Variants in MUC22 observed in about 807,000 individuals in gnomAD.
MUC22 encodes mucin-22.
In MUC22, 24 loss-of-function variants were observed where a neutral mutation model predicts 40.3. The ratio of observed to expected loss-of-function variants is 0.60; its 90% CI spans 0.43 to 0.84. The LOEUF (loss-of-function observed/expected upper bound fraction) is 0.84, where lower values mean the gene tolerates loss of function less well. Among genes scored for constraint, MUC22 ranks in the 40% least tolerant of loss-of-function variants. The probability of loss-of-function intolerance (pLI) is 0.00; values close to 1 mark genes in which losing one functional copy is unlikely to be tolerated. For missense variants in MUC22, 1,926 were observed against 2,130.7 expected, an observed-to-expected ratio of 0.90 and a Z score of 1.89; for synonymous variants, 765 against 844.5, an observed-to-expected ratio of 0.91 and a Z score of 1.63.
At chr6:31,009,891 C>T (rs934610993), upstream of MUC22, among the ~76,000 whole-genome samples, 2 of 152,184 alleles carry the variant, frequency 1.3e-5, no homozygotes, top group African/African-American at 4.8e-5. Context: ...ATCCTCTTCC[C>T]TACTCACTTC....
chr6:31,033,678 C>T (rs1196579060), intron 3 of MUC22, among the ~76,000 whole-genome samples: 1 of 152,174 alleles, frequency 6.6e-6, no homozygotes, highest in Non-Finnish European at 1.5e-5. Flanking sequence ...CTTCCCAATT[C>T]TGAGCTGAGT....
intron 1 of MUC22, among the ~76,000 whole-genome samples, chr6:31,019,864 G>T (rs1764541963): frequency 6.6e-6 from 1 of 152,116 alleles, no homozygotes; most frequent in Admixed American, 6.6e-5. Flanking sequence ...GGATGAAGTG[G>T]ACTTCTCCAC....
At chr6:31,010,035 G>A (rs1466877915), upstream of MUC22, among the ~76,000 whole-genome samples, 1 of 152,138 alleles carries the variant, frequency 6.6e-6, no homozygotes, top group Non-Finnish European at 1.5e-5. Context: ...GGAGAAAGCC[G>A]GGCGTGTGTC....
chr6:31,028,687 C>T, exon 2 of MUC22: 1 of 1,503,552 alleles, frequency 6.7e-7, no homozygotes, highest in Non-Finnish European at 8.8e-7. Context: ...TGAGACCATC[C>T]CAGCCTCTAC....
At chr6:31,029,340 T>G in exon 2 of MUC22, 2 of 1,534,946 alleles carry the variant, frequency 1.3e-6, no homozygotes. Context: ...CCACAGGCTC[T>G]GAGACTACCA....
intron 3 of MUC22, among the ~76,000 whole-genome samples, chr6:31,034,349 C>T (rs1766289936): frequency 6.6e-6 from 1 of 152,244 alleles, no homozygotes; most frequent in East Asian, 1.9e-4. Flanking sequence ...GTGCCTTTCA[C>T]ATAGGGGTAT....
At chr6:31,025,718 C>A (rs747570539) in exon 2 of MUC22, 1 of 1,528,728 alleles carries the variant, frequency 6.5e-7, no homozygotes, top group South Asian at 1.2e-5. Context: ...ACCAACACGG[C>A]CTCCACCACA....
chr6:31,019,638 G>A (rs767633194), intron 1 of MUC22, among the ~76,000 whole-genome samples: 2 of 152,228 alleles, frequency 1.3e-5, no homozygotes, highest in African/African-American at 4.8e-5. Context: ...CAGATCACCT[G>A]AGGTCAGGAG....
In MUC22 at chr6:31,034,657, AT is replaced by A; in HGVS notation, c.5056-8del. 1 of 1,519,424 alleles carries A rather than the reference AT, an allele frequency of 6.6e-7. No individual in the cohort carries two copies. Among genetic ancestry groups the A allele is most frequent in the Non-Finnish European group, 8.8e-7 (1 of 1,136,932 alleles). The allele number at this position is 1,519,424 out of a possible 1,614,324, so 94.1% of individuals were successfully genotyped here. A position where few individuals can be genotyped will look rare whatever the true frequency, so the allele number is the denominator to read the frequency against. On this transcript the variant is annotated splice_polypyrimidine_tract_variant and intron_variant, in intron 3 of 3. Coordinates refer to ENST00000561890, the Ensembl canonical transcript of MUC22. ...TTAATTTTCATTTATCAATGTATTT[AT>A]TTTTTTCTTTTAGAGAAACCTTTTC...
chr6:31,025,411 A>C (rs3909115), intron 1 of MUC22, 91 bp from the exon 2 acceptor site: 343,223 of 1,319,924 alleles, frequency 0.26, 46,434 homozygotes, highest in African/African-American at 0.39. Context: ...AATGAATAAG[A>C]AGTACTGAGT....
chr6:31,025,357 TA>T, intron 1 of MUC22, 144 bp from the exon 2 acceptor site: 2 of 944,972 alleles, frequency 2.1e-6, no homozygotes, highest in Non-Finnish European at 3.0e-6. Flanking sequence ...CAGAGTTTAG[TA>T]AAATACCAGG....
exon 2 of MUC22, chr6:31,028,568 A>G (rs1306397254): frequency 6.6e-7 from 1 of 1,519,326 alleles, no homozygotes; most frequent in African/African-American, 1.5e-5. Context: ...GAGACCACCA[A>G]GGTCTCCACT....
At chr6:31,030,528 A>G (rs972006266) in intron 2 of MUC22, among the ~76,000 whole-genome samples, 26 of 151,434 alleles carry the variant, frequency 1.7e-4, no homozygotes, top group African/African-American at 6.1e-4. Context: ...AAAAAAAAAA[A>G]AAAAATGTCC....
At chr6:31,007,285 T>C (rs1372072119), upstream of MUC22, among the ~76,000 whole-genome samples, 1 of 152,204 alleles carries the variant, frequency 6.6e-6, no homozygotes, top group East Asian at 1.9e-4. This position sits in a 1 kb window ranked among gnomAD's most constrained non-coding sequence, Gnocchi z 4.0. Context: ...AAATGGTGGC[T>C]CCAGATAGCT....
upstream of MUC22, among the ~76,000 whole-genome samples, chr6:31,006,491 A>G (rs1192255808): frequency 6.6e-6 from 1 of 152,156 alleles, no homozygotes; most frequent in Admixed American, 6.5e-5. Flanking sequence ...TGATACTACA[A>G]TGGTGGATGC....
exon 2 of MUC22, chr6:31,027,552 A>T: frequency 6.5e-7 from 1 of 1,528,184 alleles, no homozygotes; most frequent in Non-Finnish European, 8.7e-7. Flanking sequence ...AGACCACCAC[A>T]GCTTCTACTG....
At chr6:31,006,740 G>A (rs1763546503), upstream of MUC22, among the ~76,000 whole-genome samples, 1 of 152,134 alleles carries the variant, frequency 6.6e-6, no homozygotes, top group South Asian at 2.1e-4. Flanking sequence ...GATATATGGA[G>A]AGAGACCAGT....
chr6:31,021,849 G>T (rs9262526), intron 1 of MUC22, among the ~76,000 whole-genome samples: 6 of 151,132 alleles, frequency 4.0e-5, no homozygotes, highest in South Asian at 2.1e-4. Flanking sequence ...TGCTTGGGTC[G>T]TTTTCCACAC....
intron 2 of MUC22, among the ~76,000 whole-genome samples, chr6:31,030,674 C>G (rs1232122121): frequency 6.6e-6 from 1 of 151,986 alleles, no homozygotes; most frequent in East Asian, 1.9e-4. Flanking sequence ...TCCAGCAAGC[C>G]CGCCTCAACT....
Sources: allele counts gnomAD v4.1 joint callset (sites outside exome capture counted in the v4.1 genomes callset), GRCh38; gene constraint gnomAD v4.1.1; non-coding constraint Gnocchi (gnomAD v3.1); transcripts MANE v1.5; gene names NCBI Gene and HGNC (gene_info 2026-07-23, HGNC 2026-07-21).